CFAP65: variants seen among roughly 807,000 people sequenced by gnomAD.
CFAP65 encodes the protein cilia and flagella associated protein 65, also known as cilia- and flagella-associated protein 65.
A neutral mutation model predicts 208.0 loss-of-function variants in CFAP65; 155 were observed. The observed-to-expected ratio is 0.75, with a 90% CI of 0.65 to 0.85. CFAP65 has a LOEUF of 0.85. Ranked by LOEUF, CFAP65 falls within the 40% of genes least tolerant of loss-of-function variation. The pLI is 0.00. For missense variants in CFAP65, 2,294 were observed against 2,451.3 expected, an observed-to-expected ratio of 0.94 and a Z score of 1.36; for synonymous variants, 970 against 986.3, an observed-to-expected ratio of 0.98 and a Z score of 0.31.
chr2:219,028,141 G>C (rs1947772568), intron 12 of CFAP65, 60 bp downstream of exon 12: 1 of 1,587,562 alleles, frequency 6.3e-7, no homozygotes, highest in African/African-American at 1.3e-5. Context: ...GGACCCTGGG[G>C]GCATGGGATT....
intron 9 of CFAP65, 123 bp from the exon 10 acceptor site, chr2:219,030,331 G>C (rs894407754): frequency 1.4e-5 from 14 of 1,003,916 alleles, no homozygotes; most frequent in Middle Eastern, 2.9e-4. Flanking sequence ...CATCCAGCCT[G>C]TGCCCCACTG....
In CFAP65 at chr2:219,029,642, A is replaced by G; in HGVS notation, c.1411T>C (p.Cys471Arg). Residue 471 changes from cysteine (C) to arginine (R), a missense_variant, in exon 11 of 35, where the codon TGT becomes CGT. Physicochemically the swap from Cys to Arg is radical, Grantham distance 180 (BLOSUM62 -3). Transcript: ENST00000341552. ...AGGTTGACCCAGCTGAAGTTGACAC[A>G]GTAGTGCTGCAGGGACACAGCAGGG... ...RGPAVSLQHYCVNFSWVNLGE... is the reference protein window; with the variant it reads ...RGPAVSLQHYRVNFSWVNLGE... 2 of 1,614,076 alleles carry G rather than the reference A, an allele frequency of 1.2e-6. No individual in the cohort carries two copies. Among genetic ancestry groups the G allele is most frequent in the Non-Finnish European group, 1.7e-6 (2 of 1,179,982 alleles).
chr2:219,002,994 C>T lies in CFAP65; in HGVS notation c.5721G>A (p.Pro1907=). 1.4e-5 allele frequency: 22 copies of T among 1,562,580 alleles called. No homozygotes were observed. The highest frequency in any genetic ancestry group is 1.9e-5 in the Non-Finnish European group (22 of 1,152,874). Residue 1907 remains proline (P), a synonymous_variant, in exon 35 of 35, where the codon CCG becomes CCA. Coordinates refer to ENST00000341552, the MANE Select transcript of CFAP65 (RefSeq NM_194302.4). This position sits in a 1 kb window ranked among gnomAD's most constrained non-coding sequence, Gnocchi z 7.9. ...GGTGGAGTACCTCTGCTTGCTGCGT[C>T]GGCAGCAGCGTGTCCGGGGTCAGAC... ...PRSLTPDTLL[P]TQQAEVLHPV...
In CFAP65 at chr2:219,030,672, T is replaced by C; in HGVS notation, c.1161+17A>G. 1 of 1,609,880 alleles carries C rather than the reference T, an allele frequency of 6.2e-7. No homozygotes were observed. Among genetic ancestry groups the C allele is most frequent in the East Asian group, 2.2e-5 (1 of 44,792 alleles). On this transcript the variant is annotated intron_variant, in intron 9 of 34. Transcript: ENST00000341552. ...CTGGGGGCGTGAGTCCTGCCGCCCCTCCTGCCTGGTGCCTACCGCCGACGG... is the reference window on the plus strand; with the variant it reads ...CTGGGGGCGTGAGTCCTGCCGCCCCCCCTGCCTGGTGCCTACCGCCGACGG...
At chr2:219,039,524 A>G (rs531641163) in intron 2 of CFAP65, among the ~76,000 whole-genome samples, 2 of 152,360 alleles carry the variant, frequency 1.3e-5, no homozygotes, top group African/African-American at 4.8e-5. Context: ...ACATGAAGCC[A>G]TCATGCATGA....
At chr2:219,021,312 G>GT in intron 18 of CFAP65, 32 bp from the exon 19 acceptor site, 1 of 1,531,422 alleles carries the variant, frequency 6.5e-7, no homozygotes, top group East Asian at 2.4e-5. Flanking sequence ...GGGTCAGTGG[G>GT]TAGAGGAGGC....
intron 11 of CFAP65, among the ~76,000 whole-genome samples, chr2:219,028,681 C>T (rs1187954977): frequency 1.3e-5 from 2 of 152,112 alleles, no homozygotes; most frequent in Non-Finnish European, 1.5e-5. Flanking sequence ...CTCCCACCCA[C>T]CCTACTGCCA....
chr2:219,003,925 C>T lies in CFAP65; in HGVS notation c.5555+27G>A, dbSNP rs1045345491. The T allele has an allele frequency of 1.6e-5, 26 of 1,594,850 alleles. No individual in the cohort carries two copies. Among genetic ancestry groups the T allele is most frequent in the East Asian group, 2.2e-5 (1 of 44,734 alleles). On this transcript the variant is annotated intron_variant, in intron 33 of 34. Coordinates refer to ENST00000341552, the MANE Select transcript of CFAP65 (RefSeq NM_194302.4). This position sits in a 1 kb window ranked among gnomAD's most constrained non-coding sequence, Gnocchi z 4.4. ...AACCTTCTGCACTTCGCCTCCCTCC[C>T]GTCCTCACTGGGGCCTGGCTGCTCA...
intron 2 of CFAP65, among the ~76,000 whole-genome samples, chr2:219,039,764 T>A (rs886848072): frequency 2.0e-5 from 3 of 152,232 alleles, no homozygotes; most frequent in African/African-American, 4.8e-5. Flanking sequence ...AAATCTGGTG[T>A]GCATTTTACA....
Position 219,038,977 on chromosome 2 carries a change from G to A in CFAP65, c.72C>T (p.Ala24=). 6.2e-7 allele frequency: 1 copy of A among 1,613,912 alleles called. No individual in the cohort carries two copies. Among genetic ancestry groups the A allele is most frequent in the Non-Finnish European group, 8.5e-7 (1 of 1,179,918 alleles). ...QKVENPSVSF[A]SSFPLIPLLL... ...GAAGAGGAATAAGGGGGAAAGAAGA[G>A]GCAAATGAGACTGATGGATTCTCCA... Residue 24 remains alanine (A), a synonymous_variant, in exon 3 of 35, where the codon GCC becomes GCT. Transcript: ENST00000341552.
rs528247177 is a variant in CFAP65 at position 219,023,832 on chromosome 2, G to A, written c.2595+183C>T. On this transcript the variant is annotated intron_variant, in intron 15 of 34. Transcript: ENST00000341552. ...CCATAAGGGGGACAGGCAAGGCCCT[G>A]AGGGGTGGGAGAGTTGTTCACAGAA... is the stretch of plus-strand genomic sequence containing the variant. 9.2e-5 allele frequency among the ~76,000 whole-genome samples: 14 copies of A among 152,340 alleles called. No homozygotes were observed. In the East Asian group the frequency reaches 2.7e-3, roughly 29 times the overall value.
chr2:219,009,192 G>A (rs759991925), intron 28 of CFAP65, 38 bp from the exon 29 acceptor site: 6 of 1,586,760 alleles, frequency 3.8e-6, no homozygotes, highest in African/African-American at 1.3e-5. Context: ...GCCAAGGTCT[G>A]GAGCTTGCCC....
intron 24 of CFAP65, among the ~76,000 whole-genome samples, chr2:219,011,440 G>C (rs945440630): frequency 6.6e-6 from 1 of 151,634 alleles, no homozygotes; most frequent in Admixed American, 6.6e-5. Context: ...ACACACAGCT[G>C]CTTCAAAAAT....
Position 219,014,037 on chromosome 2 carries a change from G to A in CFAP65, c.3610C>T (p.Leu1204Phe), listed in dbSNP as rs80183496. ...TCAATCCGCTGGTCACTTGGAAGGA[G>A]GAAGGCCCTGGGAGAGGGGTGCAAA... ...SGVVSLDWAF[L>F]LPSDQRIDVE... is the part of the protein sequence containing the mutation. The change falls in exon 22 of 35, where the codon CTC becomes TTC. Residue 1204 changes from leucine (L) to phenylalanine (F), a missense_variant. This residue lies in a region of CFAP65 where 1,427 missense variants were observed against 1,438.7 expected (regional missense o/e 0.99). Coordinates refer to ENST00000341552, the MANE Select transcript of CFAP65 (RefSeq NM_194302.4). 8.8e-5 allele frequency: 141 copies of A among 1,609,736 alleles called. 1 individual carries two copies. The East Asian group carries it at 3.1e-3, about 36-fold the overall frequency.
intron 14 of CFAP65, 81 bp downstream of exon 14, chr2:219,025,941 G>T (rs17608593): frequency 0.056 from 86,756 of 1,535,570 alleles, 6,714 homozygotes; most frequent in East Asian, 0.41. Context: ...GGCCATCAGA[G>T]AATGGGAGAG....
intron 29 of CFAP65, among the ~76,000 whole-genome samples, chr2:219,007,628 G>T (rs760236412): frequency 3.3e-5 from 5 of 152,072 alleles, no homozygotes; most frequent in Non-Finnish European, 4.4e-5. Flanking sequence ...AACCAAGAAG[G>T]AAGTGTTGTC....
At chr2:219,015,823 T>C (rs1256689503) in intron 21 of CFAP65, 1 of 152,230 alleles carries the variant, frequency 6.6e-6, no homozygotes, top group Non-Finnish European at 1.5e-5. Flanking sequence ...GATTTAACGA[T>C]TTAAAGTCCA....
chr2:219,028,074 G>T (rs1053901064), intron 12 of CFAP65, 65 bp from the exon 13 acceptor site: 4 of 1,532,868 alleles, frequency 2.6e-6, no homozygotes, highest in Non-Finnish European at 3.5e-6. Context: ...CCCCTCCTGG[G>T]TACACTCCTG....
chr2:219,027,354 G>A, intron 13 of CFAP65: 1 of 1,448,914 alleles, frequency 6.9e-7, no homozygotes, highest in Non-Finnish European at 9.1e-7. Context: ...TCCTAGCCAG[G>A]AGCCCCAGGG....
Sources: allele counts gnomAD v4.1 joint callset (sites outside exome capture counted in the v4.1 genomes callset), GRCh38; gene constraint gnomAD v4.1.1; regional missense constraint gnomAD v4.1.1; non-coding constraint Gnocchi (gnomAD v3.1); transcripts MANE v1.5; gene names NCBI Gene and HGNC (gene_info 2026-07-23, HGNC 2026-07-21).